The following HTR1E variants were observed in gnomAD, a reference collection of about 807,000 sequenced individuals.
HTR1E encodes 5-HT-1E.
Under a neutral mutation model 3.4 loss-of-function variants are expected in HTR1E, and 3 were observed. That is an observed-to-expected ratio of 0.89 (90% CI 0.41 to 2.31). HTR1E has a LOEUF of 2.31. HTR1E is among the 30% of genes most tolerant of loss of function. The probability of loss-of-function intolerance (pLI) is 0.05; values close to 1 mark genes in which losing one functional copy is unlikely to be tolerated. For missense variants in HTR1E, 392 were observed against 467.0 expected (o/e 0.84, Z 1.48); for synonymous variants, 170 against 182.8 (o/e 0.93, Z 0.56).
chr6:87,003,341 C>T (rs1476737897), intron 1 of HTR1E, among the ~76,000 whole-genome samples: 1 of 152,036 alleles, frequency 6.6e-6, no homozygotes, highest in Non-Finnish European at 1.5e-5. Context: ...AGTTCAAGAC[C>T]AGACTGGCCA....
At chr6:86,950,232 A>G (rs999524725) in intron 1 of HTR1E, among the ~76,000 whole-genome samples, 2 of 152,344 alleles carry the variant, frequency 1.3e-5, no homozygotes, top group African/African-American at 4.8e-5. Context: ...ATTTAATGTC[A>G]TACTATTCAC....
At chr6:86,939,949 C>G (rs577234788) in intron 1 of HTR1E, among the ~76,000 whole-genome samples, 1 of 152,224 alleles carries the variant, frequency 6.6e-6, no homozygotes, top group East Asian at 1.9e-4. Context: ...CTTATCGATG[C>G]CTGGTCAGCA....
In HTR1E at chr6:87,005,157, T is replaced by C. The variant is rs1237158823; in HGVS notation, c.-185-9993T>C. On this transcript the variant is annotated intron_variant, in intron 1 of 1. Coordinates refer to ENST00000305344, the MANE Select transcript of HTR1E (RefSeq NM_000865.3). ...AGAATAAATATTGTTAAAATATCCA[T>C]ACTACACAAAGCAATCTATGGCTAT... Among the ~76,000 whole-genome samples, 4 of 152,102 alleles carry C rather than the reference T, an allele frequency of 2.6e-5. 1 individual carries two copies. Among genetic ancestry groups the C allele is most frequent in the East Asian group, 3.8e-4 (2 of 5,196 alleles).
At chr6:86,986,385 T>C (rs542680259) in intron 1 of HTR1E, among the ~76,000 whole-genome samples, 6 of 152,306 alleles carry the variant, frequency 3.9e-5, no homozygotes, top group Non-Finnish European at 8.8e-5. Flanking sequence ...AAAGAATTTG[T>C]TTTTCTCTAG....
chr6:86,989,608 TCCTAA>T (rs1767844876), intron 1 of HTR1E, among the ~76,000 whole-genome samples: 1 of 152,164 alleles, frequency 6.6e-6, no homozygotes, highest in African/African-American at 2.4e-5. Context: ...ACCAGTTCCT[TCCTAA>T]CCTATTTGCC....
At chr6:86,963,695 A>G (rs1767438213) in intron 1 of HTR1E, among the ~76,000 whole-genome samples, 1 of 152,180 alleles carries the variant, frequency 6.6e-6, no homozygotes, top group Admixed American at 6.5e-5. Flanking sequence ...TTGTGTTACA[A>G]TTGCCTACAT....
At position 86,992,267 on chromosome 6, in the gene HTR1E, T is replaced by C. The variant is rs183675861; in HGVS notation, c.-185-22883T>C. Among the ~76,000 whole-genome samples, 6 of 152,350 alleles carry C rather than the reference T, an allele frequency of 3.9e-5. No homozygotes were observed. The East Asian group carries it at 9.6e-4, about 24-fold the overall frequency. On this transcript the variant is annotated intron_variant, in intron 1 of 1. Coordinates refer to ENST00000305344, the MANE Select transcript of HTR1E (RefSeq NM_000865.3). The stretch of plus-strand genomic sequence containing the variant: ...GCTTTCTACAAAAGCTTTATGTAGA[T>C]AGGGAAAATTACTTGTATAACTTGC...
At chr6:87,013,392 TA>T (rs1768266845) in intron 1 of HTR1E, among the ~76,000 whole-genome samples, 2 of 152,352 alleles carry the variant, frequency 1.3e-5, no homozygotes, top group Admixed American at 6.5e-5. Context: ...GGACTCATGA[TA>T]TTTTTTATGT....
intron 1 of HTR1E, among the ~76,000 whole-genome samples, chr6:86,945,719 T>C (rs1011805466): frequency 1.1e-4 from 16 of 152,044 alleles, no homozygotes; most frequent in Non-Finnish European, 2.1e-4. Context: ...TGGGGGTTTT[T>C]TGTTTTGTTT....
At chr6:86,964,240 G>A (rs1013528758) in intron 1 of HTR1E, among the ~76,000 whole-genome samples, 1 of 152,122 alleles carries the variant, frequency 6.6e-6, no homozygotes, top group Non-Finnish European at 1.5e-5. Flanking sequence ...GTATCTGGGG[G>A]CATGGGGCAG....
intron 1 of HTR1E, among the ~76,000 whole-genome samples, chr6:86,995,110 G>A (rs1767917251): frequency 6.6e-6 from 1 of 151,714 alleles, no homozygotes; most frequent in Admixed American, 6.6e-5. Context: ...AAAATAAAAT[G>A]GCATACTTAA....
At chr6:87,006,270 A>C (rs2127831692) in intron 1 of HTR1E, among the ~76,000 whole-genome samples, 2 of 152,346 alleles carry the variant, frequency 1.3e-5, no homozygotes, top group Middle Eastern at 3.4e-3. Flanking sequence ...TTGAAGAGAC[A>C]TCTGCACTCC....
intron 1 of HTR1E, chr6:86,999,943 C>T (rs375843342): frequency 8.5e-5 from 13 of 152,344 alleles, no homozygotes; most frequent in African/African-American, 2.4e-4. Flanking sequence ...CCATTTTAAA[C>T]CATTTCACTA....
chr6:86,946,802 T>G (rs1393423319), intron 1 of HTR1E, among the ~76,000 whole-genome samples: 1 of 152,198 alleles, frequency 6.6e-6, no homozygotes, highest in Admixed American at 6.5e-5. Flanking sequence ...AAACAGAATT[T>G]TTAGAAACTG....
chr6:86,971,150 C>T, intron 1 of HTR1E: 7 of 504,624 alleles, frequency 1.4e-5, no homozygotes, highest in South Asian at 8.8e-5. Context: ...ATGCTGGCAA[C>T]AGAGAAGACC....
At chr6:86,993,182 G>A (rs1767893562) in intron 1 of HTR1E, among the ~76,000 whole-genome samples, 1 of 151,972 alleles carries the variant, frequency 6.6e-6, no homozygotes, top group Admixed American at 6.6e-5. Flanking sequence ...CAGACAATGG[G>A]TAAAACTGGG....
chr6:86,986,464 T>C (rs972875043), intron 1 of HTR1E, among the ~76,000 whole-genome samples: 6 of 152,208 alleles, frequency 3.9e-5, no homozygotes, highest in Non-Finnish European at 7.3e-5. Flanking sequence ...GCAGTCTTTT[T>C]AAATTCTAGG....
rs532540449 is a variant in HTR1E, at chr6:86,963,899, T to G, written c.-186+26076T>G. ...GTTAAGCAATGCAGGACTATACTTA[T>G]TAAGCACCTATTATATGCCCAACTC... On this transcript the variant is annotated intron_variant, in intron 1 of 1. Transcript: ENST00000305344. Among the ~76,000 whole-genome samples, 10 of 152,310 alleles carry G rather than the reference T, an allele frequency of 6.6e-5. No homozygotes were observed. In the South Asian group the frequency reaches 2.1e-3, roughly 32 times the overall value.
At chr6:87,003,449 G>A (rs1480500833) in intron 1 of HTR1E, among the ~76,000 whole-genome samples, 1 of 151,780 alleles carries the variant, frequency 6.6e-6, no homozygotes, top group Non-Finnish European at 1.5e-5. Flanking sequence ...TAAGGCAGGA[G>A]AATTGCTTGA....
Sources: gnomAD v4.1 joint callset for allele counts (sites outside exome capture counted in the v4.1 genomes callset) on GRCh38, gnomAD v4.1.1 for gene constraint, MANE v1.5 for transcripts, NCBI Gene and HGNC (gene_info 2026-07-23, HGNC 2026-07-21) for gene names.